DMTN: variants seen among roughly 807,000 people sequenced by gnomAD.
The protein encoded by DMTN is dematin.
DMTN carries 27 observed loss-of-function variants against 59.4 expected under a neutral mutation model. The ratio of observed to expected loss-of-function variants is 0.45; its 90% CI spans 0.33 to 0.63. DMTN has a LOEUF of 0.63. Ranked by LOEUF, DMTN falls within the 20% of genes least tolerant of loss-of-function variation. The probability of loss-of-function intolerance (pLI) is 0.02; values close to 1 mark genes in which losing one functional copy is unlikely to be tolerated. For missense variants in DMTN, 451 were observed against 528.9 expected, an observed-to-expected ratio of 0.85 and a Z score of 1.45; for synonymous variants, 221 against 203.7, an observed-to-expected ratio of 1.08 and a Z score of -0.72.
chr8:22,081,094 C>CGGGGGG lies in DMTN; in HGVS notation c.1024-19_1024-18insGGGGGG. On this transcript the variant is annotated intron_variant, in intron 14 of 15. Coordinates refer to ENST00000358242, the MANE Select transcript of DMTN (RefSeq NM_001387751.1). ...AGGATATTCTGTGAGCCTAAGATTG[C>CGGGGGG]CCCTCCCCCCACCCCCAGATCTATC... 2 of 599,780 alleles carry CGGGGGG rather than the reference C, an allele frequency of 3.3e-6. No homozygotes were observed. The highest frequency in any genetic ancestry group is 3.1e-6 in the Non-Finnish European group (1 of 323,050). 37.2% of individuals were successfully genotyped at this position (599,780 alleles called of 1,614,324 possible).
intron 1 of DMTN, among the ~76,000 whole-genome samples, chr8:22,062,928 CCT>C (rs1807714648): frequency 6.7e-6 from 1 of 149,822 alleles, no homozygotes; most frequent in Non-Finnish European, 1.5e-5. Context: ...ATCTAGTTTT[CCT>C]CTCTCTGACT....
chr8:22,061,334 C>A (rs1806288287), intron 1 of DMTN, among the ~76,000 whole-genome samples: 1 of 151,924 alleles, frequency 6.6e-6, no homozygotes, highest in Non-Finnish European at 1.5e-5. Flanking sequence ...GTGAACTGCC[C>A]AGCACAGTGC....
rs1811771458 is a variant in DMTN, at chr8:22,067,525, A to G, written c.94-2A>G. On this transcript the variant is annotated splice_acceptor_variant, in intron 3 of 15. Transcript: ENST00000358242. LOFTEE classifies it high-confidence loss of function. ...CAGTTTCACGCGCACCTTTCCCTTC[A>G]GGCCAAGATGGACAATCAGGTGCTG... The G allele has an allele frequency of 6.2e-7, 1 of 1,614,006 alleles. No homozygotes were observed. The highest frequency in any genetic ancestry group is 1.7e-5 in the Admixed American group (1 of 60,004).
intron 1 of DMTN, among the ~76,000 whole-genome samples, chr8:22,061,282 C>CAA (rs533576492): frequency 2.0e-3 from 131 of 66,520 alleles, no homozygotes; most frequent in African/African-American, 6.0e-3. Flanking sequence ...GACCCTGTCT[C>CAA]AAAAAAAAAA....
intron 1 of DMTN, among the ~76,000 whole-genome samples, chr8:22,063,214 C>T (rs1317154828): frequency 6.6e-6 from 1 of 152,196 alleles, no homozygotes; most frequent in East Asian, 1.9e-4. Flanking sequence ...CCTTCATGGG[C>T]ACCCCAGATC....
At position 22,082,428 on chromosome 8, in the gene DMTN, G is replaced by C. The variant is rs1340105089; in HGVS notation, c.*965G>C. 8.5e-6 allele frequency: 3 copies of C among 353,440 alleles called. No homozygotes were observed. Among genetic ancestry groups the C allele is most frequent in the African/African-American group, 2.1e-5 (1 of 46,732 alleles). The allele number at this position is 353,440 out of a possible 1,614,324, so 21.9% of individuals were successfully genotyped here. On this transcript the variant is annotated 3_prime_UTR_variant, in exon 16 of 16. Coordinates refer to ENST00000358242, the MANE Select transcript of DMTN (RefSeq NM_001387751.1). ...ATATTTTTGCCCAGGTCTGGGTATT[G>C]CTCCTGCCCAGACCCTGACATCCCT...
chr8:22,082,035 A>G lies in DMTN; in HGVS notation c.*572A>G, dbSNP rs995553267. ...TCCGCTCGCAAACCCCGAGCTTCCA[A>G]GCCTTTTGCTCCAGCCCTGCGGCTT... On this transcript the variant is annotated 3_prime_UTR_variant, in exon 16 of 16. Coordinates refer to ENST00000358242, the MANE Select transcript of DMTN (RefSeq NM_001387751.1). 7 of 456,872 alleles carry G rather than the reference A, an allele frequency of 1.5e-5. No individual in the cohort carries two copies. The highest frequency in any genetic ancestry group is 4.7e-5 in the Admixed American group (2 of 42,590). 28.3% of individuals were successfully genotyped at this position (456,872 alleles called of 1,614,324 possible).
intron 1 of DMTN, among the ~76,000 whole-genome samples, chr8:22,064,544 C>T (rs911434121): frequency 3.3e-5 from 5 of 152,054 alleles, no homozygotes; most frequent in Middle Eastern, 3.2e-3. Context: ...CTGCAAGCTC[C>T]GCCTCCTGGG....
At position 22,081,530 on chromosome 8, in the gene DMTN, G is replaced by C. The variant is rs1315151481; in HGVS notation, c.*67G>C. The C allele has an allele frequency of 2.1e-6, 3 of 1,444,258 alleles. No homozygotes were observed. Among genetic ancestry groups the C allele is most frequent in the Non-Finnish European group, 2.9e-6 (3 of 1,028,182 alleles). The allele number at this position is 1,444,258 out of a possible 1,614,324, so 89.5% of individuals were successfully genotyped here. On this transcript the variant is annotated 3_prime_UTR_variant, in exon 16 of 16. Transcript: ENST00000358242. ...CTTCAGGGTTTTTCCCCGGCGGGTT[G>C]GGAGGGGCAGGAGGTGGGGTGGAAA... is the stretch of plus-strand genomic sequence containing the variant.
intron 11 of DMTN, 43 bp downstream of exon 11, chr8:22,080,287 G>T (rs372575556): frequency 1.2e-6 from 2 of 1,613,902 alleles, no homozygotes; most frequent in East Asian, 4.5e-5. Flanking sequence ...TGGGAGGAAC[G>T]TGCATGTGGG....
chr8:22,049,682 C>G (rs949174762), upstream of DMTN, among the ~76,000 whole-genome samples: 1 of 151,818 alleles, frequency 6.6e-6, no homozygotes, highest in Non-Finnish European at 1.5e-5. Context: ...TCACGGAGCC[C>G]TCTCTTCTGA....
intron 1 of DMTN, among the ~76,000 whole-genome samples, chr8:22,063,537 T>A (rs1451771895): frequency 6.6e-6 from 1 of 152,210 alleles, no homozygotes; most frequent in Admixed American, 6.5e-5. Flanking sequence ...TGATCTGGCC[T>A]CCATGATTTG....
At chr8:22,055,148 C>T (rs573732197), upstream of DMTN, 2 of 152,860 alleles carry the variant, frequency 1.3e-5, no homozygotes, top group Non-Finnish European at 2.9e-5. Flanking sequence ...CATCACCCAC[C>T]TCGTTCCAGG....
intron 1 of DMTN, chr8:22,059,497 G>A (rs1804749221): frequency 6.6e-6 from 1 of 152,230 alleles, no homozygotes; most frequent in Admixed American, 6.5e-5. Flanking sequence ...ACTGTCTAAG[G>A]TTAGCACGTG....
At position 22,060,431 on chromosome 8, in the gene DMTN, T is replaced by TCTCC. The variant is rs879697430; in HGVS notation, c.-172+3296_-172+3297insTCCC. Among the ~76,000 whole-genome samples the TCTCC allele has an allele frequency of 0.02, 3,076 of 151,272 alleles. 96 individuals carry two copies. The highest frequency in any genetic ancestry group is 0.073 in the African/African-American group (2,974 of 40,970). ...CTGTCTCGCTCTCTCTCTCTCTCTC[T>TCTCC]CCCCCTCACACATGCGCACGCACAC... is the stretch of plus-strand genomic sequence containing the variant. On this transcript the variant is annotated intron_variant, in intron 1 of 15. Transcript: ENST00000358242. This position sits in a 1 kb window ranked among gnomAD's most constrained non-coding sequence, Gnocchi z 5.0.
Position 22,081,180 on chromosome 8 carries a change from G to A in DMTN, c.1091G>A (p.Arg364Gln), listed in dbSNP as rs1288667094. ...GRTKLPPGVDRMRLERHLSAE... is the reference protein window; with the variant it reads ...GRTKLPPGVDQMRLERHLSAE... Reference sequence around the variant, plus strand: ...ACCAAGCTGCCACCGGGGGTGGATCGGATGCGGCTTGAGGTAGGCAAGGAA... The same window carrying A: ...ACCAAGCTGCCACCGGGGGTGGATCAGATGCGGCTTGAGGTAGGCAAGGAA... The change falls in exon 15 of 16, where the codon CGG (arginine) becomes CAG (glutamine). Residue 364 changes from arginine to glutamine, a missense_variant. Coordinates refer to ENST00000358242, the MANE Select transcript of DMTN (RefSeq NM_001387751.1). The A allele has an allele frequency of 3.7e-6, 6 of 1,613,136 alleles. No homozygotes were observed. The highest frequency in any genetic ancestry group is 1.3e-5 in the African/African-American group (1 of 74,560).
Position 22,067,073 on chromosome 8 carries a change from C to T in DMTN, c.19-12C>T. The T allele has an allele frequency of 1.3e-6, 2 of 1,575,074 alleles. No individual in the cohort carries two copies. The highest frequency in any genetic ancestry group is 5.0e-5 in the East Asian group (2 of 40,116). ...GCACGTGCCCACCCGCCCGCCTTCTCGCTCTCCCCAGCAACCACTTACCTC... is the reference window on the plus strand; with the variant it reads ...GCACGTGCCCACCCGCCCGCCTTCTTGCTCTCCCCAGCAACCACTTACCTC... On this transcript the variant is annotated splice_polypyrimidine_tract_variant and intron_variant, in intron 2 of 15. Coordinates refer to ENST00000358242, the MANE Select transcript of DMTN (RefSeq NM_001387751.1).
At position 22,066,804 on chromosome 8, in the gene DMTN, A is replaced by C; in HGVS notation, c.-72A>C. The C allele has an allele frequency of 4.3e-6, 6 of 1,407,980 alleles. No individual in the cohort carries two copies. Among genetic ancestry groups the C allele is most frequent in the Non-Finnish European group, 5.6e-6 (6 of 1,076,612 alleles). The allele number at this position is 1,407,980 out of a possible 1,614,324, so 87.2% of individuals were successfully genotyped here. A position where few individuals can be genotyped will look rare whatever the true frequency, so the allele number is the denominator to read the frequency against. Reference sequence around the variant, plus strand: ...CGCGCAGCGCCCAGCAGCCGCGCCGAGCCTGACACGCTGTCCTCTCCCCTC... The same window carrying C: ...CGCGCAGCGCCCAGCAGCCGCGCCGCGCCTGACACGCTGTCCTCTCCCCTC... On this transcript the variant is annotated 5_prime_UTR_variant, in exon 2 of 16. Coordinates refer to ENST00000358242, the MANE Select transcript of DMTN (RefSeq NM_001387751.1).
intron 10 of DMTN, among the ~76,000 whole-genome samples, chr8:22,078,233 C>T (rs545203872): frequency 6.6e-5 from 10 of 151,950 alleles, no homozygotes; most frequent in East Asian, 3.9e-4. Context: ...GGCATGGTGG[C>T]GCGTGCCTGT....
Sources: gnomAD v4.1 joint callset for allele counts (sites outside exome capture counted in the v4.1 genomes callset) on GRCh38, gnomAD v4.1.1 for gene constraint, Gnocchi (gnomAD v3.1) non-coding constraint, MANE v1.5 for transcripts, NCBI Gene and HGNC (gene_info 2026-07-23, HGNC 2026-07-21) for gene names.